The following GLIS3 variants were observed in gnomAD, a reference collection of about 807,000 sequenced individuals.
GLIS3 encodes GLIS family zinc finger 3.
A neutral mutation model predicts 78.6 loss-of-function variants in GLIS3; 53 were observed. That is an observed-to-expected ratio of 0.67 (90% CI 0.54 to 0.85). GLIS3 has a LOEUF of 0.85. Ranked by LOEUF, GLIS3 falls within the 40% of genes least tolerant of loss-of-function variation. GLIS3 has a pLI of 0.00. For synonymous variants in GLIS3, 684 were observed against 509.9 expected (o/e 1.34, Z -4.60); for missense variants, 1,703 against 1,231.1 (o/e 1.38, Z -5.74).
the GLIS3 span, among the ~76,000 whole-genome samples, chr9:4,429,850 TA>T: frequency 6.6e-6 from 1 of 152,088 alleles, no homozygotes; most frequent in Non-Finnish European, 1.5e-5. Flanking sequence ...AGCCTGAAAC[TA>T]AAGCGGGTTT....
chr9:4,441,577 T>A, the GLIS3 span, among the ~76,000 whole-genome samples: 1 of 152,138 alleles, frequency 6.6e-6, no homozygotes, highest in Non-Finnish European at 1.5e-5. Context: ...GTGTCTAAGT[T>A]CATCAGGGAT....
chr9:4,112,574 CTTCGGATGA>C (rs1315673416), intron 4 of GLIS3, among the ~76,000 whole-genome samples: 1 of 152,126 alleles, frequency 6.6e-6, no homozygotes, highest in African/African-American at 2.4e-5. Context: ...GGTACGGGTA[CTTCGGATGA>C]TTCCAGTGTC....
At chr9:4,381,006 G>C in the GLIS3 span, among the ~76,000 whole-genome samples, 2 of 152,254 alleles carry the variant, frequency 1.3e-5, no homozygotes, top group African/African-American at 4.8e-5. Context: ...AATGGCCAGA[G>C]GGTAAGTAGT....
At chr9:4,481,591 C>T in the GLIS3 span, among the ~76,000 whole-genome samples, 1 of 151,566 alleles carries the variant, frequency 6.6e-6, no homozygotes, top group African/African-American at 2.4e-5. Flanking sequence ...CCATGTAATT[C>T]AGGTCAAAGC....
intron 4 of GLIS3, among the ~76,000 whole-genome samples, chr9:4,000,319 G>A (rs1029257457): frequency 6.6e-6 from 1 of 152,088 alleles, no homozygotes; most frequent in Admixed American, 6.5e-5. Context: ...TATATGTGTG[G>A]TAAAACTTTA....
At chr9:4,321,816 C>T (rs1049949806) in intron 2 of GLIS3, among the ~76,000 whole-genome samples, 1 of 152,194 alleles carries the variant, frequency 6.6e-6, no homozygotes, top group Middle Eastern at 3.4e-3. Flanking sequence ...TCAAGTGATT[C>T]TCATGCCTCA....
chr9:4,147,666 C>CCCA (rs1017987012), intron 2 of GLIS3: 1 of 151,990 alleles, frequency 6.6e-6, no homozygotes, highest in Non-Finnish European at 1.5e-5. Context: ...ACAATGACTC[C>CCCA]CTTCAAGGGG....
Position 4,156,406 on chromosome 9 carries a change from A to G in GLIS3, c.389-30465T>C, listed in dbSNP as rs532340608. On this transcript the variant is annotated intron_variant, in intron 2 of 10. Transcript: ENST00000381971. ...GTTTTTGTCCCTGTACACTTCATAC[A>G]TTCATCCTCCTTATCCACCCAATAC... Among the ~76,000 whole-genome samples the G allele has an allele frequency of 2.6e-5, 4 of 152,344 alleles. No individual in the cohort carries two copies. In the South Asian group the frequency reaches 8.3e-4, roughly 32 times the overall value.
chr9:3,850,630 A>C (rs140627037), intron 9 of GLIS3, among the ~76,000 whole-genome samples: 2 of 152,196 alleles, frequency 1.3e-5, no homozygotes, highest in Admixed American at 1.3e-4. Flanking sequence ...ACAGCACTCT[A>C]CTTGACTTTC....
chr9:4,038,107 G>T (rs978021245), intron 4 of GLIS3, among the ~76,000 whole-genome samples: 1 of 152,156 alleles, frequency 6.6e-6, no homozygotes, highest in Non-Finnish European at 1.5e-5. Context: ...TGGCTTGGAG[G>T]AAGCAACCTG....
intron 2 of GLIS3, among the ~76,000 whole-genome samples, chr9:4,226,271 A>C (rs1235555336): frequency 6.6e-6 from 1 of 152,200 alleles, no homozygotes; most frequent in Non-Finnish European, 1.5e-5. Flanking sequence ...TTTTGTTCTT[A>C]TTTAGATATA....
At chr9:4,240,667 T>C (rs1823215070) in intron 2 of GLIS3, among the ~76,000 whole-genome samples, 2 of 152,080 alleles carry the variant, frequency 1.3e-5, no homozygotes, top group South Asian at 2.1e-4. Flanking sequence ...CAAATACAAG[T>C]TGGAATCCTA....
intron 4 of GLIS3, among the ~76,000 whole-genome samples, chr9:3,956,028 C>CAAAAAAAAAAAAACAAAAAAAAA (rs1817081752): frequency 1.1e-5 from 1 of 87,630 alleles, no homozygotes; most frequent in Non-Finnish European, 2.3e-5. Flanking sequence ...CCAGATTCAG[C>CAAAAAAAAAAAAACAAAAAAAAA]AAAAAAAAAA....
At chr9:4,191,939 T>A (rs1818367944) in intron 2 of GLIS3, among the ~76,000 whole-genome samples, 1 of 152,186 alleles carries the variant, frequency 6.6e-6, no homozygotes, top group East Asian at 1.9e-4. Context: ...AAAATTTTGT[T>A]AAAGGAGGTT....
the GLIS3 span, among the ~76,000 whole-genome samples, chr9:4,391,633 A>C: frequency 6.6e-6 from 1 of 152,008 alleles, no homozygotes; most frequent in Admixed American, 6.6e-5. Flanking sequence ...GTAAATATTT[A>C]ACCGAAATTT....
chr9:4,341,881 A>G (rs561649768), intron 2 of GLIS3, among the ~76,000 whole-genome samples: 69 of 152,280 alleles, frequency 4.5e-4, no homozygotes, highest in African/African-American at 1.4e-3. Context: ...ATGCTTGTTG[A>G]CCACGTATAT....
the GLIS3 span, among the ~76,000 whole-genome samples, chr9:4,463,485 C>T: frequency 1.3e-5 from 2 of 152,100 alleles, no homozygotes; most frequent in African/African-American, 4.8e-5. Context: ...AAAATTATTT[C>T]TTTCTGTTTC....
In GLIS3 at chr9:3,849,388, T is replaced by A. The variant is rs143055211; in HGVS notation, c.2473+6621A>T. ...AATGCGCTAAAATATCCATCTTCCC[T>A]GACCCCTTTGCCTTGTGACTAAGAG... On this transcript the variant is annotated intron_variant, in intron 9 of 10. Transcript: ENST00000381971. 2.3e-3 allele frequency among the ~76,000 whole-genome samples: 358 copies of A among 152,342 alleles called. 3 individuals are homozygous for A. Among genetic ancestry groups the A allele is most frequent in the African/African-American group, 8.4e-3 (348 of 41,580 alleles).
chr9:4,243,605 C>A (rs768290161), intron 2 of GLIS3, among the ~76,000 whole-genome samples: 5 of 152,086 alleles, frequency 3.3e-5, no homozygotes, highest in Non-Finnish European at 5.9e-5. Context: ...ATAGCCTAGA[C>A]CTTGGAAGAA....
Sources: gnomAD v4.1 joint callset for allele counts (sites outside exome capture counted in the v4.1 genomes callset) on GRCh38, gnomAD v4.1.1 for gene constraint, MANE v1.5 for transcripts, NCBI Gene and HGNC (gene_info 2026-07-23, HGNC 2026-07-21) for gene names.